PCDH10: variants seen among roughly 807,000 people sequenced by gnomAD.
PCDH10 encodes protocadherin 10.
A neutral mutation model predicts 74.4 loss-of-function variants in PCDH10; 15 were observed. That is an observed-to-expected ratio of 0.20 (90% CI 0.13 to 0.31). PCDH10 has a LOEUF of 0.31. Among genes scored for constraint, PCDH10 ranks in the 10% least tolerant of loss-of-function variants. The pLI is 1.00. For missense variants in PCDH10, 1,260 were observed against 1,390.2 expected (o/e 0.91, Z 1.49); for synonymous variants, 619 against 589.8 (o/e 1.05, Z -0.72).
Position 133,190,162 on chromosome 4 carries a change from C to T in PCDH10, c.*2C>T. 1.9e-6 allele frequency: 3 copies of T among 1,611,488 alleles called. No homozygotes were observed. The highest frequency in any genetic ancestry group is 1.1e-5 in the South Asian group (1 of 91,014). ...ACAGCACGGAAAAGGATATGCTAGT[C>T]AATTCTACAGGACTTACCTGAAGCA... On this transcript the variant is annotated 3_prime_UTR_variant, in exon 5 of 5. Transcript: ENST00000264360.
chr4:133,186,898 A>G (rs1193618876), intron 4 of PCDH10, among the ~76,000 whole-genome samples: 1 of 152,016 alleles, frequency 6.6e-6, no homozygotes, highest in Non-Finnish European at 1.5e-5. Flanking sequence ...TTGTATTTCT[A>G]GTAGAGATGG....
chr4:133,202,680 G>A (rs1727927355), intron 2 of PCDH10, among the ~76,000 whole-genome samples: 1 of 152,036 alleles, frequency 6.6e-6, no homozygotes, highest in Admixed American at 6.6e-5. Context: ...TCCTGTCCTG[G>A]ACTTTTGGTG....
At chr4:133,202,243 A>G (rs1419908347) in intron 2 of PCDH10, among the ~76,000 whole-genome samples, 11 of 152,178 alleles carry the variant, frequency 7.2e-5, no homozygotes, top group Admixed American at 7.2e-4. Context: ...ATTATTGCAG[A>G]GAATACAGAT....
chr4:133,178,468 T>C (rs1219731587), intron 4 of PCDH10, among the ~76,000 whole-genome samples: 1 of 151,952 alleles, frequency 6.6e-6, no homozygotes, highest in Non-Finnish European at 1.5e-5. Context: ...ACTCTCGACC[T>C]CAGGTGATTG....
In PCDH10 at chr4:133,150,410, C is replaced by T; in HGVS notation, c.270C>T (p.Ser90=). ...AACAAATCTGCAAACAGAGCCCCTC[C>T]TGTGTCCTGCACCTGGAGGTCTTTC... ...DREQICKQSP[S]CVLHLEVFLE... The change falls in exon 1 of 5, where the codon TCC becomes TCT. Residue 90 remains serine (S), a synonymous_variant. Coordinates refer to ENST00000264360, the MANE Select transcript of PCDH10 (RefSeq NM_032961.3). 1 of 1,614,082 alleles carries T rather than the reference C, an allele frequency of 6.2e-7. No individual in the cohort carries two copies. Among genetic ancestry groups the T allele is most frequent in the Non-Finnish European group, 8.5e-7 (1 of 1,180,018 alleles).
intron 4 of PCDH10, among the ~76,000 whole-genome samples, chr4:133,189,713 A>G (rs1271635627): frequency 6.6e-6 from 1 of 152,038 alleles, no homozygotes; most frequent in Non-Finnish European, 1.5e-5. Context: ...TATTGGTTTA[A>G]TATGTATAAT....
At chr4:133,167,913 T>G (rs2125865277) in intron 4 of PCDH10, among the ~76,000 whole-genome samples, 1 of 151,508 alleles carries the variant, frequency 6.6e-6, no homozygotes, top group African/African-American at 2.4e-5. Flanking sequence ...AAACAAATGG[T>G]AACTTGACAT....
In PCDH10 at chr4:133,152,092, A is replaced by G; in HGVS notation, c.1952A>G (p.Gln651Arg). The G allele has an allele frequency of 8.2e-6, 13 of 1,593,714 alleles. No individual in the cohort carries two copies. Among genetic ancestry groups the G allele is most frequent in the Non-Finnish European group, 1.1e-5 (13 of 1,170,430 alleles). ...ARRVPAKRDP[Q>R]RPYELVIEVR... Reference sequence around the variant, plus strand: ...CGAGTCCCGGCCAAGCGCGACCCCCAGCGGCCTTATGAGCTGGTGATCGAG... The same window carrying G: ...CGAGTCCCGGCCAAGCGCGACCCCCGGCGGCCTTATGAGCTGGTGATCGAG... The change falls in exon 1 of 5, where the codon CAG becomes CGG. Residue 651 changes from glutamine to arginine, a missense_variant. Gln to Arg is a conservative substitution (Grantham distance 43). Transcript: ENST00000264360.
rs115554600 is a variant in PCDH10 at position 133,169,236 on chromosome 4, A to G, written c.3103+5954A>G. 2.4e-3 allele frequency among the ~76,000 whole-genome samples: 366 copies of G among 151,682 alleles called. 1 individual carries two copies. The highest frequency in any genetic ancestry group is 8.3e-3 in the African/African-American group (344 of 41,482). On this transcript the variant is annotated intron_variant, in intron 4 of 4. Transcript: ENST00000264360. ...AGCTAATAGTTTTATATTTTCCTCTAGTTTAGTCACTTTTTTCTTTATTTA... is the reference window on the plus strand; with the variant it reads ...AGCTAATAGTTTTATATTTTCCTCTGGTTTAGTCACTTTTTTCTTTATTTA...
chr4:133,204,868 T>A (rs1453907316), intron 2 of PCDH10, among the ~76,000 whole-genome samples: 1 of 152,192 alleles, frequency 6.6e-6, no homozygotes, highest in African/African-American at 2.4e-5. Flanking sequence ...TCTCACAGCC[T>A]GGGAGAGGAG....
At chr4:133,199,158 C>T (rs1727851278), downstream of PCDH10, among the ~76,000 whole-genome samples, 1 of 151,314 alleles carries the variant, frequency 6.6e-6, no homozygotes, top group Non-Finnish European at 1.5e-5. Context: ...AGTAGTGGCC[C>T]GCACCTGTAG....
intron 1 of PCDH10, 34 bp downstream of exon 1, chr4:133,152,805 TCTC>T (rs1726767292): frequency 3.1e-6 from 5 of 1,613,064 alleles, no homozygotes; most frequent in Middle Eastern, 1.6e-4. Context: ...CCATCTCTCA[TCTC>T]CTCCATCAGA....
At chr4:133,162,720 G>T (rs1726994389) in intron 3 of PCDH10, among the ~76,000 whole-genome samples, 1 of 152,078 alleles carries the variant, frequency 6.6e-6, no homozygotes. Flanking sequence ...AATACCCTAA[G>T]TAGTTTAGAA....
At chr4:133,199,536 C>A (rs1372111641), downstream of PCDH10, among the ~76,000 whole-genome samples, 1 of 149,836 alleles carries the variant, frequency 6.7e-6, no homozygotes, top group East Asian at 2.0e-4. Flanking sequence ...GTTGGTCAGT[C>A]AGCTGATGAA....
chr4:133,197,004 T>C (rs1727808326), downstream of PCDH10, among the ~76,000 whole-genome samples: 1 of 152,134 alleles, frequency 6.6e-6, no homozygotes, highest in African/African-American at 2.4e-5. Flanking sequence ...TTTCAAAACC[T>C]CAAGATGAAA....
intron 4 of PCDH10, among the ~76,000 whole-genome samples, chr4:133,177,399 AC>A (rs1162073764): frequency 1.3e-5 from 2 of 152,092 alleles, no homozygotes; most frequent in Non-Finnish European, 2.9e-5. Context: ...TTTGAAAGAA[AC>A]CCCAAACTTT....
At chr4:133,154,802 C>T (rs991957220) in intron 2 of PCDH10, 115 bp from the exon 3 acceptor site, 1 of 696,322 alleles carries the variant, frequency 1.4e-6, no homozygotes, top group Non-Finnish European at 2.5e-6. Flanking sequence ...AGAAACAAAG[C>T]CAACTAAGAG....
intron 2 of PCDH10, among the ~76,000 whole-genome samples, chr4:133,202,081 T>G (rs1727919209): frequency 6.6e-6 from 1 of 152,046 alleles, no homozygotes; most frequent in Non-Finnish European, 1.5e-5. Context: ...TTGTGATAAG[T>G]AGATTGCTAT....
In PCDH10 at chr4:133,150,596, C is replaced by T. The variant is rs1163157520; in HGVS notation, c.456C>T (p.Gly152=). ...AGAGCGCATTCGACCCAGACGTGGG[C>T]ACCAACTCCTTGCGCGACTACGAGA... ...PLESAFDPDV[G]TNSLRDYEIT... Residue 152 remains glycine (G), a synonymous_variant, in exon 1 of 5, where the codon GGC becomes GGT. Transcript: ENST00000264360. 4 of 1,613,552 alleles carry T rather than the reference C, an allele frequency of 2.5e-6. No homozygotes were observed. Among genetic ancestry groups the T allele is most frequent in the Middle Eastern group, 1.6e-4 (1 of 6,084 alleles).
Sources: gnomAD v4.1 joint callset for allele counts (sites outside exome capture counted in the v4.1 genomes callset) on GRCh38, gnomAD v4.1.1 for gene constraint, MANE v1.5 for transcripts, NCBI Gene and HGNC (gene_info 2026-07-23, HGNC 2026-07-21) for gene names.